Variants in RORA observed in about 807,000 individuals in gnomAD.
RORA encodes nuclear receptor ROR-alpha.
In RORA, 7 loss-of-function variants were observed where a neutral mutation model predicts 69.5. The ratio of observed to expected loss-of-function variants is 0.10; its 90% confidence interval spans 0.06 to 0.19. The LOEUF is 0.19. RORA is among the 10% of genes least tolerant of loss of function. The pLI, the probability that RORA is intolerant of heterozygous loss-of-function variation, is 1.00. For missense variants in RORA, 457 were observed against 663.0 expected, an observed-to-expected ratio of 0.69 and a Z score of 3.41; for synonymous variants, 261 against 240.8, an observed-to-expected ratio of 1.08 and a Z score of -0.78.
chr15:60,497,505 T>C lies in RORA; in HGVS notation c.1522A>G (p.Lys508Glu). The C allele has an allele frequency of 6.2e-7, 1 of 1,614,112 alleles. No homozygotes were observed. The highest frequency in any genetic ancestry group is 8.5e-7 in the Non-Finnish European group (1 of 1,179,972). ...IVRLHFPPLY[K>E]ELFTSEFEPA... is the part of the protein sequence containing the mutation. ...TCAAATTCTGAAGTGAACAACTCCT[T>C]GTATAATGGAGGAAAATGAAGTCGC... The change falls in exon 11 of 11, where the codon AAG (lysine) becomes GAG (glutamate). Residue 508 changes from lysine (K) to glutamate (E), a missense_variant. Coordinates refer to ENST00000335670, the MANE Select transcript of RORA (RefSeq NM_134261.3).
At chr15:60,862,352 T>C (rs560663404) in intron 1 of RORA, among the ~76,000 whole-genome samples, 203 of 152,342 alleles carry the variant, frequency 1.3e-3, no homozygotes, top group Non-Finnish European at 2.4e-3. Context: ...CTTAGATGTA[T>C]AGATGGACAA....
chr15:60,519,326 A>G (rs1457580466), intron 3 of RORA, among the ~76,000 whole-genome samples: 5 of 152,206 alleles, frequency 3.3e-5, no homozygotes, highest in Non-Finnish European at 5.9e-5. Flanking sequence ...GACAAGGGCA[A>G]TATTGGGCAA....
chr15:60,659,077 T>C (rs905562786), intron 2 of RORA, among the ~76,000 whole-genome samples: 3 of 152,184 alleles, frequency 2.0e-5, no homozygotes, highest in African/African-American at 7.2e-5. Context: ...GGATCACTTC[T>C]GGGACTCATC....
At chr15:61,198,086 C>T (rs1205858406) in intron 1 of RORA, among the ~76,000 whole-genome samples, 1 of 151,852 alleles carries the variant, frequency 6.6e-6, no homozygotes. Flanking sequence ...AAGTGAGACG[C>T]TCATCTCAGG....
chr15:60,809,000 T>A lies in RORA; in HGVS notation c.167-130314A>T, dbSNP rs184666849. ...GACACAAAGGCATAAGAATGACACA[T>A]TGGACTTTGGAGACTCAGAGGAAAT... On this transcript the variant is annotated intron_variant, in intron 1 of 10. Coordinates refer to ENST00000335670, the MANE Select transcript of RORA (RefSeq NM_134261.3). Among the ~76,000 whole-genome samples, 23 of 152,176 alleles carry A rather than the reference T, an allele frequency of 1.5e-4. No individual in the cohort carries two copies. The East Asian group carries it at 3.9e-3, about 26-fold the overall frequency.
chr15:60,544,995 T>C (rs1231578347), intron 2 of RORA: 1 of 152,208 alleles, frequency 6.6e-6, no homozygotes, highest in Non-Finnish European at 1.5e-5. Flanking sequence ...GACAAGTGCC[T>C]TCGCTGTGAG....
intron 1 of RORA, chr15:60,736,770 T>C (rs945251154): frequency 4.6e-5 from 7 of 152,216 alleles, no homozygotes; most frequent in Admixed American, 4.6e-4. Context: ...GTTATAGGCA[T>C]CTACGGCCAT....
intron 1 of RORA, among the ~76,000 whole-genome samples, chr15:61,103,240 G>A (rs988700239): frequency 1.3e-5 from 2 of 152,138 alleles, no homozygotes; most frequent in African/African-American, 4.8e-5. Context: ...AGTGGAGGAT[G>A]GGCTGTGAGC....
At chr15:60,577,644 C>CA (rs34467661) in intron 2 of RORA, among the ~76,000 whole-genome samples, 1,388 of 104,650 alleles carry the variant, frequency 0.013, 16 homozygotes, top group African/African-American at 0.031. Flanking sequence ...ACTCTGTTTC[C>CA]AAAAAAAAAA....
intron 1 of RORA, among the ~76,000 whole-genome samples, chr15:60,776,452 G>C (rs1004448570): frequency 3.3e-5 from 5 of 152,244 alleles, no homozygotes; most frequent in African/African-American, 1.2e-4. Context: ...TGGGAGGCTA[G>C]TGAGCACCTA....
intron 1 of RORA, among the ~76,000 whole-genome samples, chr15:61,063,952 G>A (rs1275613546): frequency 1.3e-5 from 2 of 152,148 alleles, no homozygotes; most frequent in East Asian, 3.9e-4. Flanking sequence ...GTCTGGTGTG[G>A]GCACGTCAGA....
chr15:61,155,575 A>G (rs2079435222), intron 1 of RORA, among the ~76,000 whole-genome samples: 1 of 152,180 alleles, frequency 6.6e-6, no homozygotes, highest in Non-Finnish European at 1.5e-5. Flanking sequence ...GGCCGCAGCC[A>G]TGGGAAGATC....
In RORA at chr15:61,131,702, G is replaced by A. The variant is rs762282907; in HGVS notation, c.166+97351C>T. 1.3e-5 allele frequency among the ~76,000 whole-genome samples: 2 copies of A among 152,282 alleles called. No individual in the cohort carries two copies. Among genetic ancestry groups the A allele is most frequent in the Non-Finnish European group, 2.9e-5 (2 of 68,034 alleles). ...AAATGAAAGGCAATGTGCCAACATC[G>A]GAGCTCAATTTGGTACAGTGGAAAA... On this transcript the variant is annotated intron_variant, in intron 1 of 10. Transcript: ENST00000335670. The surrounding 1 kb of genome is among the most constrained non-coding windows in gnomAD (Gnocchi z 4.2).
chr15:60,657,247 C>T (rs545639609), intron 2 of RORA, among the ~76,000 whole-genome samples: 1 of 152,220 alleles, frequency 6.6e-6, no homozygotes, highest in Non-Finnish European at 1.5e-5. Context: ...TTCTCCTCCT[C>T]CTCTCCCTCT....
At chr15:61,026,624 C>T (rs1338123505) in intron 1 of RORA, among the ~76,000 whole-genome samples, 1 of 152,096 alleles carries the variant, frequency 6.6e-6, no homozygotes, top group African/African-American at 2.4e-5. Flanking sequence ...GTAAAATAAG[C>T]CACTTTGTGC....
At chr15:60,926,585 T>C (rs187332300) in intron 1 of RORA, among the ~76,000 whole-genome samples, 1 of 152,380 alleles carries the variant, frequency 6.6e-6, no homozygotes, top group African/African-American at 2.4e-5. Context: ...AAAATGTGCA[T>C]ATACTTTGCC....
chr15:60,538,788 T>G (rs781758239), intron 2 of RORA, among the ~76,000 whole-genome samples: 2 of 152,052 alleles, frequency 1.3e-5, no homozygotes, highest in Non-Finnish European at 2.9e-5. Context: ...AACATATATG[T>G]CACCCTCTGA....
At chr15:61,166,928 C>A (rs1232191292) in intron 1 of RORA, among the ~76,000 whole-genome samples, 1 of 152,198 alleles carries the variant, frequency 6.6e-6, no homozygotes, top group Non-Finnish European at 1.5e-5. Context: ...AACCTACTCA[C>A]CAACAATTAT....
intron 1 of RORA, among the ~76,000 whole-genome samples, chr15:61,008,536 A>G (rs1050502628): frequency 1.3e-5 from 2 of 152,082 alleles, no homozygotes; most frequent in African/African-American, 4.8e-5. Context: ...GGTGGAATCA[A>G]TTTGACTCAC....
Sources: gnomAD v4.1 joint callset for allele counts (sites outside exome capture counted in the v4.1 genomes callset) on GRCh38, gnomAD v4.1.1 for gene constraint, Gnocchi (gnomAD v3.1) non-coding constraint, MANE v1.5 for transcripts, NCBI Gene and HGNC (gene_info 2026-07-23, HGNC 2026-07-21) for gene names.